The following SMIM5 variants were observed in gnomAD, a reference collection of about 807,000 sequenced individuals.
SMIM5 encodes the protein chromosome 17 open reading frame 109.
SMIM5 carries 4 observed loss-of-function variants against 4.0 expected under a neutral mutation model. The ratio of observed to expected loss-of-function variants is 1.01; its 90% confidence interval spans 0.50 to 2.30. The LOEUF is 2.30. Ranked by LOEUF, SMIM5 falls within the 30% of genes most tolerant of loss-of-function variation. The probability of loss-of-function intolerance (pLI) is 0.02; values close to 1 mark genes in which losing one functional copy is unlikely to be tolerated. For missense variants in SMIM5, 107 were observed against 99.2 expected (o/e 1.08, Z -0.34); for synonymous variants, 46 against 43.6 (o/e 1.05, Z -0.22).
chr17:75,641,143 G>T lies in SMIM5; in HGVS notation c.*246G>T. The T allele has an allele frequency of 1.7e-6, 1 of 578,430 alleles. No individual in the cohort carries two copies. Among genetic ancestry groups the T allele is most frequent in the Non-Finnish European group, 2.8e-6 (1 of 351,538 alleles). 35.8% of individuals were successfully genotyped at this position (578,430 alleles called of 1,614,324 possible). ...GGGGAGTCAGCTGTTTCAAAGACTG[G>T]GTCAACTGCCTGGGCTTCTTCGCCT... On this transcript the variant is annotated 3_prime_UTR_variant, in exon 3 of 3. Transcript: ENST00000375215.
Position 75,640,466 on chromosome 17 carries a change from G to GTCCCTTGGCTTCCC in SMIM5, c.127+138_127+139insTCCCTTGGCTTCCC. 1 of 1,336,794 alleles carries GTCCCTTGGCTTCCC rather than the reference G, an allele frequency of 7.5e-7. No individual in the cohort carries two copies. The highest frequency in any genetic ancestry group is 9.9e-7 in the Non-Finnish European group (1 of 1,005,230). The allele number at this position is 1,336,794 out of a possible 1,614,324, so 82.8% of individuals were successfully genotyped here. On this transcript the variant is annotated intron_variant, in intron 2 of 2. Coordinates refer to ENST00000375215, the MANE Select transcript of SMIM5 (RefSeq NM_001162995.3). This position sits in a 1 kb window ranked among gnomAD's most constrained non-coding sequence, Gnocchi z 4.6. ...GAAAACCAGTTGTCCCTTGGGGGAAGCCAAGGGACTTCCCTCATCCTCTGA... is the reference window on the plus strand; with the variant it reads ...GAAAACCAGTTGTCCCTTGGGGGAAGTCCCTTGGCTTCCCCCAAGGGACTTCCCTCATCCTCTGA...
chr17:75,640,923 C>T lies in SMIM5; in HGVS notation c.*26C>T, dbSNP rs1278225358. 1.3e-6 allele frequency: 2 copies of T among 1,538,502 alleles called. No homozygotes were observed. Among genetic ancestry groups the T allele is most frequent in the Admixed American group, 2.0e-5 (1 of 50,964 alleles). On this transcript the variant is annotated 3_prime_UTR_variant, in exon 3 of 3. Coordinates refer to ENST00000375215, the MANE Select transcript of SMIM5 (RefSeq NM_001162995.3). The surrounding 1 kb of genome is among the most constrained non-coding windows in gnomAD (Gnocchi z 4.6). ...CGGACGGGCGATGGCTGAGGAGAAG[C>T]TGGAGAGGAGATGGCCAATGCCATG...
At chr17:75,638,109 GA>G (rs2059361788) in intron 1 of SMIM5, 1 of 152,080 alleles carries the variant, frequency 6.6e-6, no homozygotes, top group Non-Finnish European at 1.5e-5. Context: ...CTAACTCAGG[GA>G]ACCCACGGCT....
intron 1 of SMIM5, among the ~76,000 whole-genome samples, chr17:75,635,384 T>C (rs993049782): frequency 1.3e-5 from 2 of 151,990 alleles, no homozygotes; most frequent in Non-Finnish European, 2.9e-5. Context: ...AGGACACGAG[T>C]GGACAGGGTC....
At position 75,641,019 on chromosome 17, in the gene SMIM5, C is replaced by G; in HGVS notation, c.*122C>G. ...AGGCTCCCCTGGCCCCAGCTCTGGC[C>G]CAGCCCAGGTACCTGGACACTGACA... is the stretch of plus-strand genomic sequence containing the variant. On this transcript the variant is annotated 3_prime_UTR_variant, in exon 3 of 3. Transcript: ENST00000375215. The G allele has an allele frequency of 1.4e-6, 2 of 1,458,962 alleles. No homozygotes were observed. Among genetic ancestry groups the G allele is most frequent in the East Asian group, 5.0e-5 (2 of 39,840 alleles). The allele number at this position is 1,458,962 out of a possible 1,614,324, so 90.4% of individuals were successfully genotyped here.
In SMIM5 at chr17:75,641,311, A is replaced by C. The variant is rs2059431070; in HGVS notation, c.*414A>C. 5.8e-6 allele frequency: 1 copy of C among 171,346 alleles called. No homozygotes were observed. The highest frequency in any genetic ancestry group is 1.6e-4 in the East Asian group (1 of 6,352). 10.6% of individuals were successfully genotyped at this position (171,346 alleles called of 1,614,324 possible). Reference sequence around the variant, plus strand: ...GGCAATCAGAGGGGCTTTGTGCAATAGCTTCTGCATCCGAGCTCCCGCCAG... The same window carrying C: ...GGCAATCAGAGGGGCTTTGTGCAATCGCTTCTGCATCCGAGCTCCCGCCAG... On this transcript the variant is annotated 3_prime_UTR_variant, in exon 3 of 3. Transcript: ENST00000375215.
rs992815378 is a variant in SMIM5, at chr17:75,640,297, C to T, written c.96C>T (p.Ile32=). 29 of 1,550,782 alleles carry T rather than the reference C, an allele frequency of 1.9e-5. No homozygotes were observed. The highest frequency in any genetic ancestry group is 2.4e-5 in the East Asian group (1 of 40,888). The change falls in exon 2 of 3, where the codon ATC becomes ATT. Residue 32 remains isoleucine (I), a synonymous_variant. Transcript: ENST00000375215. The surrounding 1 kb of genome is among the most constrained non-coding windows in gnomAD (Gnocchi z 4.6). The part of the protein sequence containing the change: ...QRLPQAEPVE[I]VAFSVIILFT... ...TGCCCCAGGCTGAGCCCGTGGAGATCGTGGCCTTCTCAGTCATCATCCTTT... is the reference window on the plus strand; with the variant it reads ...TGCCCCAGGCTGAGCCCGTGGAGATTGTGGCCTTCTCAGTCATCATCCTTT...
Position 75,640,372 on chromosome 17 carries a change from G to A in SMIM5, c.127+44G>A, listed in dbSNP as rs2059413163. On this transcript the variant is annotated intron_variant, in intron 2 of 2. Coordinates refer to ENST00000375215, the MANE Select transcript of SMIM5 (RefSeq NM_001162995.3). This position sits in a 1 kb window ranked among gnomAD's most constrained non-coding sequence, Gnocchi z 4.6. ...CACCCCATGGCTCTCCCTGGCATCT[G>A]GGAGAGACCACACCATGGTGCCAGC... 6.7e-7 allele frequency: 1 copy of A among 1,496,000 alleles called. No homozygotes were observed. The highest frequency in any genetic ancestry group is 9.0e-7 in the Non-Finnish European group (1 of 1,116,852). The allele number at this position is 1,496,000 out of a possible 1,614,324, so 92.7% of individuals were successfully genotyped here.
intron 1 of SMIM5, chr17:75,639,722 C>G (rs2059397772): frequency 6.5e-6 from 1 of 153,958 alleles, no homozygotes; most frequent in South Asian, 2.0e-4. Flanking sequence ...GCCAGAAGCC[C>G]CATGAACCTG....
In SMIM5 at chr17:75,640,211, A is replaced by G. The variant is rs2059409170; in HGVS notation, c.10A>G (p.Thr4Ala). MAA[T>A]DFVQEMRAVG... ...AGGAAGCCAGCGCGGCATGGCTGCC[A>G]CCGACTTCGTGCAGGAGATGCGCGC... Residue 4 changes from threonine to alanine, a missense_variant, in exon 2 of 3, where the codon ACC becomes GCC. Physicochemically the swap from Thr to Ala is moderately conservative, Grantham distance 58. Transcript: ENST00000375215. This position sits in a 1 kb window ranked among gnomAD's most constrained non-coding sequence, Gnocchi z 4.6. The G allele has an allele frequency of 6.5e-7, 1 of 1,548,920 alleles. No individual in the cohort carries two copies.
At chr17:75,635,746 A>G (rs1347051848) in intron 1 of SMIM5, 1 of 978,056 alleles carries the variant, frequency 1.0e-6, no homozygotes, top group Admixed American at 6.1e-5. Flanking sequence ...AAAACCCACC[A>G]TGACGAAACA....
In SMIM5 at chr17:75,640,877, G is replaced by C. The variant is rs1483129972; in HGVS notation, c.214G>C (p.Val72Leu). Reference sequence around the variant, plus strand: ...TGAGCGGAGAGGCAGGAAGGTCCAGGTGCAGCCGACACCACCATGACGGAC... The same window carrying C: ...TGAGCGGAGAGGCAGGAAGGTCCAGCTGCAGCCGACACCACCATGACGGAC... ...CPERRGRKVQVQPTPP is the reference protein window; with the variant it reads ...CPERRGRKVQLQPTPP Residue 72 changes from valine to leucine, a missense_variant, in exon 3 of 3, where the codon GTG becomes CTG. By Grantham distance (32) the Val-to-Leu change is conservative (BLOSUM62 1). Transcript: ENST00000375215. This position sits in a 1 kb window ranked among gnomAD's most constrained non-coding sequence, Gnocchi z 4.6. 6.5e-6 allele frequency: 10 copies of C among 1,546,364 alleles called. No individual in the cohort carries two copies. The highest frequency in any genetic ancestry group is 7.0e-6 in the Non-Finnish European group (8 of 1,146,960).
Position 75,640,475 on chromosome 17 carries a change from C to A in SMIM5, c.127+147C>A. On this transcript the variant is annotated intron_variant, in intron 2 of 2. Transcript: ENST00000375215. This position sits in a 1 kb window ranked among gnomAD's most constrained non-coding sequence, Gnocchi z 4.6. ...TTGTCCCTTGGGGGAAGCCAAGGGACTTCCCTCATCCTCTGATATGCTGCT... is the reference window on the plus strand; with the variant it reads ...TTGTCCCTTGGGGGAAGCCAAGGGAATTCCCTCATCCTCTGATATGCTGCT... 1 of 1,310,572 alleles carries A rather than the reference C, an allele frequency of 7.6e-7. No individual in the cohort carries two copies. The highest frequency in any genetic ancestry group is 1.0e-6 in the Non-Finnish European group (1 of 982,604). The allele number at this position is 1,310,572 out of a possible 1,614,324, so 81.2% of individuals were successfully genotyped here.
In SMIM5 at chr17:75,641,093, C is replaced by T; in HGVS notation, c.*196C>T. On this transcript the variant is annotated 3_prime_UTR_variant, in exon 3 of 3. Coordinates refer to ENST00000375215, the MANE Select transcript of SMIM5 (RefSeq NM_001162995.3). ...AGGGCTGGTATAGGTGCAAACCTCT[C>T]ATCTGCCAGTGGACACTGGGTGCTG... The T allele has an allele frequency of 1.0e-6, 1 of 978,206 alleles. No individual in the cohort carries two copies. The highest frequency in any genetic ancestry group is 1.4e-6 in the Non-Finnish European group (1 of 690,770). 60.6% of individuals were successfully genotyped at this position (978,206 alleles called of 1,614,324 possible). A position where few individuals can be genotyped will look rare whatever the true frequency, so the allele number is the denominator to read the frequency against.
Position 75,633,658 on chromosome 17 carries a change from G to A in SMIM5, c.-581G>A. On this transcript the variant is annotated 5_prime_UTR_variant, in exon 1 of 3. Coordinates refer to ENST00000375215, the MANE Select transcript of SMIM5 (RefSeq NM_001162995.3). ...CTGTTGTTCCTGAGAGAGGCCAGAG[G>A]GAGGGACCAGCCAGGGAGTGGCCAG... 6 of 1,172,180 alleles carry A rather than the reference G, an allele frequency of 5.1e-6. No homozygotes were observed. The highest frequency in any genetic ancestry group is 1.4e-4 in the East Asian group (2 of 14,772). 72.6% of individuals were successfully genotyped at this position (1,172,180 alleles called of 1,614,324 possible).
rs2059275963 is a variant in SMIM5, at chr17:75,634,202, G to C, written c.-37G>C. On this transcript the variant is annotated splice_region_variant and 5_prime_UTR_variant, in exon 1 of 3. Coordinates refer to ENST00000375215, the MANE Select transcript of SMIM5 (RefSeq NM_001162995.3). ...TCAGCCCCCAACACCTGAGCTCCCAGGTGAGTGGCAATGGCCACAGAAGAA... is the reference window on the plus strand; with the variant it reads ...TCAGCCCCCAACACCTGAGCTCCCACGTGAGTGGCAATGGCCACAGAAGAA... The C allele has an allele frequency of 1.0e-6, 1 of 985,428 alleles. No individual in the cohort carries two copies. The highest frequency in any genetic ancestry group is 1.7e-5 in the African/African-American group (1 of 57,258). The allele number at this position is 985,428 out of a possible 1,614,324, so 61.0% of individuals were successfully genotyped here. A position where few individuals can be genotyped will look rare whatever the true frequency, so the allele number is the denominator to read the frequency against.
chr17:75,635,231 C>A (rs1194202793), intron 1 of SMIM5, among the ~76,000 whole-genome samples: 2 of 152,196 alleles, frequency 1.3e-5, no homozygotes, highest in Non-Finnish European at 2.9e-5. Flanking sequence ...GGGAGACAAG[C>A]TCCTGCGGTG....
At position 75,634,024 on chromosome 17, in the gene SMIM5, G is replaced by T. The variant is rs1180410776; in HGVS notation, c.-215G>T. 2 of 985,438 alleles carry T rather than the reference G, an allele frequency of 2.0e-6. No homozygotes were observed. The highest frequency in any genetic ancestry group is 2.4e-6 in the Non-Finnish European group (2 of 830,018). 61.0% of individuals were successfully genotyped at this position (985,438 alleles called of 1,614,324 possible). On this transcript the variant is annotated 5_prime_UTR_variant, in exon 1 of 3. Coordinates refer to ENST00000375215, the MANE Select transcript of SMIM5 (RefSeq NM_001162995.3). The stretch of plus-strand genomic sequence containing the variant: ...CCCTCGCGACGGTAATTTGACACTT[G>T]GATCTCCAGGACGACCAACAACAAA...
intron 1 of SMIM5, chr17:75,637,108 C>G (rs768590347): frequency 6.6e-6 from 1 of 152,370 alleles, no homozygotes; most frequent in Non-Finnish European, 1.5e-5. Flanking sequence ...ACAAACCCCA[C>G]TTTTCCTGCA....
Sources: allele counts gnomAD v4.1 joint callset (sites outside exome capture counted in the v4.1 genomes callset), GRCh38; gene constraint gnomAD v4.1.1; non-coding constraint Gnocchi (gnomAD v3.1); transcripts MANE v1.5; gene names NCBI Gene and HGNC (gene_info 2026-07-23, HGNC 2026-07-21).